PIK3AP1: variants seen among roughly 807,000 people sequenced by gnomAD.
PIK3AP1 encodes phosphoinositide-3-kinase adaptor protein 1, also known as phosphoinositide 3-kinase adapter protein 1.
In PIK3AP1, 21 loss-of-function variants were observed where a neutral mutation model predicts 88.1. That is an observed-to-expected ratio of 0.24 (90% CI 0.17 to 0.34). PIK3AP1 has a LOEUF of 0.34. Ranked by LOEUF, PIK3AP1 falls within the 10% of genes least tolerant of loss-of-function variation. The pLI, the probability that PIK3AP1 is intolerant of heterozygous loss-of-function variation, is 1.00. For missense variants in PIK3AP1, 828 were observed against 1,035.7 expected, an observed-to-expected ratio of 0.80 and a Z score of 2.75; for synonymous variants, 398 against 400.0, an observed-to-expected ratio of 1.00 and a Z score of 0.06.
chr10:96,631,463 ATAG>A (rs1211813617), intron 8 of PIK3AP1, among the ~76,000 whole-genome samples: 1 of 152,218 alleles, frequency 6.6e-6, no homozygotes, highest in Non-Finnish European at 1.5e-5. Context: ...GTGGAGGAAA[ATAG>A]TAGAAGGAAG....
intron 2 of PIK3AP1, 106 bp downstream of exon 2, chr10:96,709,461 C>G (rs1844408706): frequency 1.0e-5 from 14 of 1,352,652 alleles, no homozygotes. Context: ...ATGACCAGGT[C>G]TCTTAACATA....
At chr10:96,597,641 A>T (rs1564948353) in intron 16 of PIK3AP1, among the ~76,000 whole-genome samples, 1 of 152,142 alleles carries the variant, frequency 6.6e-6, no homozygotes, top group Non-Finnish European at 1.5e-5. Flanking sequence ...TTGTTTTCTC[A>T]TCTGCCAAAC....
chr10:96,683,883 A>G (rs554343204), intron 2 of PIK3AP1, among the ~76,000 whole-genome samples: 8 of 152,356 alleles, frequency 5.3e-5, no homozygotes, highest in Non-Finnish European at 1.0e-4. Flanking sequence ...AACATTCAAG[A>G]CTGTATATAT....
At chr10:96,636,109 A>C (rs114436178) in intron 8 of PIK3AP1, among the ~76,000 whole-genome samples, 1,568 of 151,888 alleles carry the variant, frequency 0.01, 33 homozygotes, top group African/African-American at 0.036. Context: ...ATCTCAGCTA[A>C]AGAGAGGATA....
At chr10:96,628,893 T>TATATACACACAC (rs1564961270) in intron 8 of PIK3AP1, among the ~76,000 whole-genome samples, 1 of 53,428 alleles carries the variant, frequency 1.9e-5, no homozygotes, top group African/African-American at 6.2e-5. Context: ...TATATACATA[T>TATATACACACAC]ATATATATAT....
intron 1 of PIK3AP1, among the ~76,000 whole-genome samples, chr10:96,717,257 CAAAAAAA>C (rs1325729375): frequency 3.2e-5 from 3 of 93,440 alleles, no homozygotes; most frequent in Non-Finnish European, 6.3e-5. Context: ...GACTCCGTCT[CAAAAAAA>C]AAAAAAAAAA....
At chr10:96,615,812 C>A (rs746358521) in intron 13 of PIK3AP1, among the ~76,000 whole-genome samples, 56 of 152,188 alleles carry the variant, frequency 3.7e-4, no homozygotes, top group Non-Finnish European at 7.2e-4. Flanking sequence ...GTGTTACCAG[C>A]CCAACTAGGT....
intron 2 of PIK3AP1, among the ~76,000 whole-genome samples, chr10:96,682,013 TAGAGAG>T (rs55857679): frequency 0.03 from 3,205 of 108,492 alleles, 122 homozygotes; most frequent in African/African-American, 0.11. Flanking sequence ...TATATATATA[TAGAGAG>T]AGAGAGAGAG....
intron 3 of PIK3AP1, 56 bp from the exon 4 acceptor site, chr10:96,652,898 T>A (rs1434623669): frequency 6.3e-7 from 1 of 1,584,226 alleles, no homozygotes; most frequent in Non-Finnish European, 8.6e-7. Flanking sequence ...CGTAGGGTGT[T>A]GGGCCCAAGG....
intron 2 of PIK3AP1, among the ~76,000 whole-genome samples, chr10:96,694,528 C>T (rs1488407447): frequency 1.3e-5 from 2 of 148,882 alleles, no homozygotes; most frequent in Non-Finnish European, 1.5e-5. Flanking sequence ...CCTTCTCTCC[C>T]TCCTTTCTTT....
Position 96,623,514 on chromosome 10 carries a change from G to A in PIK3AP1, c.1693C>T (p.Arg565Trp), listed in dbSNP as rs534613715. The change falls in exon 11 of 17, where the codon CGG becomes TGG. Residue 565 changes from arginine (R) to tryptophan (W), a missense_variant. Physicochemically the swap from Arg to Trp is moderately radical, Grantham distance 101 (BLOSUM62 -3). Around this residue, in one of 3 missense-constraint regions of PIK3AP1, gnomAD observed 610 missense variants for 760.1 expected, o/e 0.80. Transcript: ENST00000339364. The stretch of plus-strand genomic sequence containing the variant: ...GAGGAAACGTAGAAATTCCCAGGCC[G>A]CTCTTGACTTTTTTCTGCAAAAACT... Reference protein sequence around the residue: ...FKVFAEKSQERPGNFYVSSES... With the variant: ...FKVFAEKSQEWPGNFYVSSES... The A allele has an allele frequency of 2.3e-4, 374 of 1,611,160 alleles. 2 individuals carry two copies. The highest frequency in any genetic ancestry group is 1.9e-3 in the South Asian group (174 of 91,012).
At position 96,651,650 on chromosome 10, in the gene PIK3AP1, G is replaced by A. The variant is rs762701824; in HGVS notation, c.714C>T (p.Asn238=). 1.2e-5 allele frequency: 20 copies of A among 1,612,548 alleles called. No individual in the cohort carries two copies. In the South Asian group the frequency reaches 2.0e-4, roughly 16 times the overall value. The part of the protein sequence containing the change: ...NEYTISVKAP[N]LSSGNVSLKI... ...TCAGAGAAACGTTCCCAGATGAAAG[G>A]TCTGAACAGAAGAAAAGACACTATC... Residue 238 remains asparagine (N), a splice_region_variant and synonymous_variant, in exon 5 of 17, where the codon AAC becomes AAT. Transcript: ENST00000339364.
intron 8 of PIK3AP1, among the ~76,000 whole-genome samples, chr10:96,643,690 A>G (rs1392819897): frequency 6.6e-6 from 1 of 152,194 alleles, no homozygotes; most frequent in African/African-American, 2.4e-5. Flanking sequence ...TGCTGGCATC[A>G]GAGACTGCCT....
intron 12 of PIK3AP1, 47 bp from the exon 13 acceptor site, chr10:96,616,758 C>A (rs752163028): frequency 1.3e-6 from 2 of 1,542,454 alleles, no homozygotes; most frequent in South Asian, 2.2e-5. Flanking sequence ...CAGGATGATA[C>A]CCTCTGGACA....
rs373018272 is a variant in PIK3AP1, at chr10:96,610,219, A to T, written c.2015-352T>A. 2.0e-5 allele frequency among the ~76,000 whole-genome samples: 3 copies of T among 152,304 alleles called. 1 individual carries two copies. Among genetic ancestry groups the T allele is most frequent in the Admixed American group, 6.5e-5 (1 of 15,306 alleles). ...TTAGCATCTGTGGAACTCCAGCAAG[A>T]CAGTTCTCCTCTCTGAATCACTCCC... On this transcript the variant is annotated intron_variant, in intron 13 of 16. Transcript: ENST00000339364.
rs779733842 is a variant in PIK3AP1 at position 96,709,597 on chromosome 10, C to T, written c.400G>A (p.Val134Met). ...GAAATGGCTTTTTTCACAGCTGCCA[C>T]GTAGGTCTCTGGCTCATCGTCACAG... Reference protein sequence around the residue: ...LTCDDEPETYVAAVKKAISED... With the variant: ...LTCDDEPETYMAAVKKAISED... Residue 134 changes from valine to methionine, a missense_variant, in exon 2 of 17, where the codon GTG becomes ATG. This residue lies in a region of PIK3AP1 where 610 missense variants were observed against 760.1 expected (regional missense o/e 0.80). Transcript: ENST00000339364. 3.7e-6 allele frequency: 6 copies of T among 1,612,190 alleles called. No homozygotes were observed. Among genetic ancestry groups the T allele is most frequent in the South Asian group, 3.3e-5 (3 of 90,996 alleles).
At chr10:96,617,853 G>A (rs760593168) in intron 12 of PIK3AP1, among the ~76,000 whole-genome samples, 14 of 152,224 alleles carry the variant, frequency 9.2e-5, no homozygotes, top group Non-Finnish European at 1.6e-4. Context: ...TAGACATGCT[G>A]TGAGCCTGGG....
intron 2 of PIK3AP1, among the ~76,000 whole-genome samples, chr10:96,675,959 A>G (rs1843913487): frequency 6.6e-6 from 1 of 152,206 alleles, no homozygotes; most frequent in Non-Finnish European, 1.5e-5. Flanking sequence ...TGGCAGTATC[A>G]CAATTCAAAC....
At position 96,648,640 on chromosome 10, in the gene PIK3AP1, C is replaced by G; in HGVS notation, c.1185+19G>C. 1 of 1,578,456 alleles carries G rather than the reference C, an allele frequency of 6.3e-7. No individual in the cohort carries two copies. The highest frequency in any genetic ancestry group is 8.6e-7 in the Non-Finnish European group (1 of 1,168,092). The stretch of plus-strand genomic sequence containing the variant: ...CAGAGTGCATTTCCAATCCTGGGCC[C>G]CTCCTGCCTTGACCTTACCACATAC... On this transcript the variant is annotated intron_variant, in intron 7 of 16. Coordinates refer to ENST00000339364, the MANE Select transcript of PIK3AP1 (RefSeq NM_152309.3).
Sources: allele counts gnomAD v4.1 joint callset (sites outside exome capture counted in the v4.1 genomes callset), GRCh38; gene constraint gnomAD v4.1.1; regional missense constraint gnomAD v4.1.1; transcripts MANE v1.5; gene names NCBI Gene and HGNC (gene_info 2026-07-23, HGNC 2026-07-21).